STRA6: variants seen among roughly 807,000 people sequenced by gnomAD.
The protein encoded by STRA6 is signaling receptor and transporter of retinol STRA6, also known as receptor for retinol uptake STRA6.
In STRA6, 48 loss-of-function variants were observed where a neutral mutation model predicts 83.6. The ratio of observed to expected loss-of-function variants is 0.57; its 90% CI spans 0.46 to 0.73. The LOEUF is 0.73. Ranked by LOEUF, STRA6 falls within the 30% of genes least tolerant of loss-of-function variation. The probability of loss-of-function intolerance (pLI) is 0.00; values close to 1 mark genes in which losing one functional copy is unlikely to be tolerated. For missense variants in STRA6, 760 were observed against 838.8 expected (o/e 0.91, Z 1.16); for synonymous variants, 353 against 362.3 (o/e 0.97, Z 0.29).
upstream of STRA6, among the ~76,000 whole-genome samples, chr15:74,207,217 A>C (rs2074278733): frequency 6.6e-6 from 1 of 152,228 alleles, no homozygotes; most frequent in Non-Finnish European, 1.5e-5. Flanking sequence ...AGCTTAGAAG[A>C]AGCTAACAGC....
upstream of STRA6, among the ~76,000 whole-genome samples, chr15:74,211,211 C>T (rs1234524869): frequency 1.3e-5 from 2 of 151,856 alleles, no homozygotes; most frequent in Admixed American, 1.3e-4. Flanking sequence ...AAGAACATTC[C>T]TTCCTAGAGC....
In STRA6 at chr15:74,181,460, T is replaced by C; in HGVS notation, c.1521-2A>G. ...AAGGTGGCTGCATAGAGCACTCGCC[T>C]AGGATGGGAGAAGAAAGCTGAGGCA... On this transcript the variant is annotated splice_acceptor_variant, in intron 16 of 18. Coordinates refer to ENST00000395105, the MANE Select transcript of STRA6 (RefSeq NM_022369.4). LOFTEE classifies it high-confidence loss of function. The C allele has an allele frequency of 6.2e-7, 1 of 1,613,582 alleles. No individual in the cohort carries two copies. The highest frequency in any genetic ancestry group is 8.5e-7 in the Non-Finnish European group (1 of 1,179,854).
Position 74,208,637 on chromosome 15 carries a change from T to C in STRA6, c.-16+163A>G, listed in dbSNP as rs989916273. Among the ~76,000 whole-genome samples the C allele has an allele frequency of 3.0e-4, 45 of 152,018 alleles. 2 individuals carry two copies. Among genetic ancestry groups the C allele is most frequent in the Admixed American group, 2.6e-3 (39 of 15,264 alleles). ...CCCTGAGGGCAGCCCACCCCAGGTCTCCAAACTTACTCATCAGAATTGCTC... is the reference window on the plus strand; with the variant it reads ...CCCTGAGGGCAGCCCACCCCAGGTCCCCAAACTTACTCATCAGAATTGCTC... On this transcript the variant is annotated intron_variant, in intron 1 of 18. Transcript: ENST00000323940.
At position 74,188,937 on chromosome 15, in the gene STRA6, A is replaced by G. The variant is rs926072585; in HGVS notation, c.1090+178T>C. On this transcript the variant is annotated intron_variant, in intron 12 of 18. Transcript: ENST00000395105. This position sits in a 1 kb window ranked among gnomAD's most constrained non-coding sequence, Gnocchi z 4.5. ...GAGATGTCCCTTCAGGTTTCATGGA[A>G]GCTCAGAACTGGAAGCGCCAACTGC... Among the ~76,000 whole-genome samples the G allele has an allele frequency of 1.3e-5, 2 of 152,190 alleles. No individual in the cohort carries two copies. The highest frequency in any genetic ancestry group is 2.9e-5 in the Non-Finnish European group (2 of 68,034).
Position 74,196,120 on chromosome 15 carries a change from C to A in STRA6, c.294G>T (p.Arg98Ser), listed in dbSNP as rs1195259456. 1.2e-6 allele frequency: 2 copies of A among 1,613,814 alleles called. No individual in the cohort carries two copies. Among genetic ancestry groups the A allele is most frequent in the Admixed American group, 3.3e-5 (2 of 60,006 alleles). Residue 98 changes from arginine to serine, a missense_variant, in exon 5 of 19, where the codon AGG (arginine) becomes AGT (serine). Physicochemically the swap from Arg to Ser is moderately radical, Grantham distance 110. Transcript: ENST00000395105. ...AAACAGCAGCAGGCACTGCCCGGGG[C>A]CTGTCCCCAGCCAAGAAATCCACAG... is the stretch of plus-strand genomic sequence containing the variant. Reference protein sequence around the residue: ...PSPVDFLAGDRPRAVPAAVFM... With the variant: ...PSPVDFLAGDSPRAVPAAVFM...
intron 2 of STRA6, among the ~76,000 whole-genome samples, chr15:74,201,701 C>A (rs1349829161): frequency 6.6e-6 from 1 of 152,146 alleles, no homozygotes; most frequent in Non-Finnish European, 1.5e-5. Context: ...GGTTCTCTGC[C>A]TTCCCCGAAT....
chr15:74,209,514 G>A (rs1035992395), upstream of STRA6: 1 of 1,389,182 alleles, frequency 7.2e-7, no homozygotes, highest in Non-Finnish European at 9.8e-7. Flanking sequence ...TCATCACAGG[G>A]CTTCAGGGCT....
chr15:74,208,713 C>T (rs769836154), intron 1 of STRA6: 92 of 987,370 alleles, frequency 9.3e-5, no homozygotes, highest in Non-Finnish European at 1.1e-4. Flanking sequence ...CTCCTGCTCA[C>T]TTCCCACCGC....
At position 74,195,291 on chromosome 15, in the gene STRA6, T is replaced by C. The variant is rs770663138; in HGVS notation, c.597+11A>G. ...GCCCCTCTGCCCTAGGCCATTGTGATCAGCGGTTACCTTGGGCACCTGGGG... is the reference window on the plus strand; with the variant it reads ...GCCCCTCTGCCCTAGGCCATTGTGACCAGCGGTTACCTTGGGCACCTGGGG... On this transcript the variant is annotated intron_variant, in intron 7 of 18. Transcript: ENST00000395105. The C allele has an allele frequency of 1.2e-6, 2 of 1,611,376 alleles. No individual in the cohort carries two copies. The highest frequency in any genetic ancestry group is 2.7e-5 in the African/African-American group (2 of 74,856).
intron 12 of STRA6, among the ~76,000 whole-genome samples, chr15:74,187,036 T>G (rs1024728264): frequency 3.3e-5 from 5 of 152,226 alleles, no homozygotes; most frequent in African/African-American, 1.2e-4. Flanking sequence ...CATGCATAGC[T>G]CCAGCCTCTG....
chr15:74,194,915 C>T lies in STRA6; in HGVS notation c.597+387G>A, dbSNP rs1851064692. The T allele has an allele frequency of 3.5e-6, 5 of 1,423,112 alleles. No individual in the cohort carries two copies. In the East Asian group the frequency reaches 1.0e-4, roughly 29 times the overall value. 88.2% of individuals were successfully genotyped at this position (1,423,112 alleles called of 1,614,324 possible). ...CTCCTCTCAGCCCTCTTAGACCATC[C>T]CTGACTTCGCACTTGCCGGCCTCCA... is the stretch of plus-strand genomic sequence containing the variant. On this transcript the variant is annotated intron_variant, in intron 7 of 18. Transcript: ENST00000395105.
At chr15:74,184,232 C>T (rs1363833787) in intron 13 of STRA6, among the ~76,000 whole-genome samples, 3 of 152,166 alleles carry the variant, frequency 2.0e-5, no homozygotes, top group African/African-American at 7.2e-5. Flanking sequence ...TCAACCTGAG[C>T]CAAGTCAGAA....
intron 8 of STRA6, among the ~76,000 whole-genome samples, chr15:74,193,217 A>G (rs1595847339): frequency 1.3e-5 from 2 of 152,222 alleles, no homozygotes; most frequent in Non-Finnish European, 2.9e-5. Flanking sequence ...AATGAACAAA[A>G]CAGACACAAA....
At chr15:74,207,535 C>T (rs369046828), upstream of STRA6, among the ~76,000 whole-genome samples, 44 of 152,230 alleles carry the variant, frequency 2.9e-4, no homozygotes, top group African/African-American at 8.7e-4. Flanking sequence ...CAGAGACCCC[C>T]GTTGCTCTCC....
At chr15:74,206,930 T>C (rs1256949803), upstream of STRA6, among the ~76,000 whole-genome samples, 1 of 152,178 alleles carries the variant, frequency 6.6e-6, no homozygotes, top group Non-Finnish European at 1.5e-5. Flanking sequence ...TGGGCACAGA[T>C]TGGCGGGTGG....
chr15:74,195,295 C>G lies in STRA6; in HGVS notation c.597+7G>C. On this transcript the variant is annotated splice_region_variant and intron_variant, in intron 7 of 18. Coordinates refer to ENST00000395105, the MANE Select transcript of STRA6 (RefSeq NM_022369.4). ...CTCTGCCCTAGGCCATTGTGATCAG[C>G]GGTTACCTTGGGCACCTGGGGACAC... 6.2e-7 allele frequency: 1 copy of G among 1,611,630 alleles called. No homozygotes were observed. The highest frequency in any genetic ancestry group is 8.5e-7 in the Non-Finnish European group (1 of 1,179,760).
intron 2 of STRA6, 68 bp downstream of exon 2, chr15:74,202,087 A>C (rs2074095034): frequency 1.0e-4 from 138 of 1,330,850 alleles, no homozygotes; most frequent in Middle Eastern, 2.0e-4. Context: ...CTCCCTGGCC[A>C]GTTGCAACCT....
chr15:74,180,354 G>C, intron 18 of STRA6, 111 bp from the exon 19 acceptor site: 1 of 1,350,752 alleles, frequency 7.4e-7, no homozygotes, highest in Non-Finnish European at 1.0e-6. Context: ...CAGGTCGTGA[G>C]GCTTAGGATG....
intron 11 of STRA6, among the ~76,000 whole-genome samples, chr15:74,190,414 G>GTTTT (rs2073471742): frequency 6.7e-6 from 1 of 148,232 alleles, no homozygotes; most frequent in Non-Finnish European, 1.5e-5. Context: ...GTTGTTGTTG[G>GTTTT]TTTTTTCGGG....
Sources: gnomAD v4.1 joint callset for allele counts (sites outside exome capture counted in the v4.1 genomes callset) on GRCh38, gnomAD v4.1.1 for gene constraint, Gnocchi (gnomAD v3.1) non-coding constraint, MANE v1.5 for transcripts, NCBI Gene and HGNC (gene_info 2026-07-23, HGNC 2026-07-21) for gene names.